Variants in PRAMEF4 observed in about 807,000 individuals in gnomAD.
PRAMEF4 encodes the protein PRAME family member 4.
PRAMEF4 carries 18 observed loss-of-function variants against 34.4 expected under a neutral mutation model. The observed-to-expected ratio is 0.52, with a 90% CI of 0.36 to 0.78. PRAMEF4 has a LOEUF of 0.78. Among genes scored for constraint, PRAMEF4 ranks in the 30% least tolerant of loss-of-function variants. The probability of loss-of-function intolerance (pLI) is 0.00; values close to 1 mark genes in which losing one functional copy is unlikely to be tolerated. For missense variants in PRAMEF4, 482 were observed against 569.1 expected (o/e 0.85, Z 1.56); for synonymous variants, 156 against 219.3 (o/e 0.71, Z 2.55).
intron 1 of PRAMEF4, among the ~76,000 whole-genome samples, chr1:12,885,878 T>G (rs1223464887): frequency 7.6e-6 from 1 of 131,024 alleles, no homozygotes; most frequent in Non-Finnish European, 1.6e-5. Context: ...CCTCCCACTT[T>G]GGCCTCCCGA....
Position 12,883,210 on chromosome 1 carries a change from G to A in PRAMEF4, c.185C>T (p.Pro62Leu). The change falls in exon 2 of 4, where the codon CCC becomes CTC. Residue 62 changes from proline to leucine, a missense_variant. Coordinates refer to ENST00000235349, the MANE Select transcript of PRAMEF4 (RefSeq NM_001009611.4). ...EALKLMVQSW[P>L]FRRLPLRPLI... ...AGGCCTCAGAGGGAGGCGGCGGAAG[G>A]GCCAGGACTGCACCATCAGCTTCAG... 6.3e-7 allele frequency: 1 copy of A among 1,599,180 alleles called. No individual in the cohort carries two copies. The highest frequency in any genetic ancestry group is 8.5e-7 in the Non-Finnish European group (1 of 1,172,916).
chr1:12,881,420 G>C (rs1370981233), intron 3 of PRAMEF4, among the ~76,000 whole-genome samples: 1 of 149,186 alleles, frequency 6.7e-6, no homozygotes, highest in Non-Finnish European at 1.5e-5. Flanking sequence ...ATTTCTGACA[G>C]GGGTCTTGGT....
intron 2 of PRAMEF4, among the ~76,000 whole-genome samples, 160 bp downstream of exon 2, chr1:12,882,942 G>C (rs3928864): frequency 0.12 from 16,615 of 142,864 alleles, 1,741 homozygotes; most frequent in Middle Eastern, 0.21. Flanking sequence ...TGGACCTTGC[G>C]TGGTGAGCAG....
chr1:12,882,798 C>G (rs1319241427), intron 2 of PRAMEF4, among the ~76,000 whole-genome samples: 2 of 147,858 alleles, frequency 1.4e-5, no homozygotes, highest in Non-Finnish European at 3.0e-5. Context: ...CCATGTTGGA[C>G]AGGCTGGCCT....
intron 1 of PRAMEF4, among the ~76,000 whole-genome samples, chr1:12,885,171 C>A (rs1008741339): frequency 4.7e-5 from 7 of 150,530 alleles, no homozygotes; most frequent in Non-Finnish European, 1.0e-4. Context: ...ACTTCGTCGC[C>A]CAGGCTGGAG....
chr1:12,879,823 G>T lies in PRAMEF4; in HGVS notation c.1158C>A (p.Ser386Arg). The change falls in exon 4 of 4, where the codon AGC becomes AGA. Residue 386 changes from serine to arginine, a missense_variant. By Grantham distance (110) the Ser-to-Arg change is moderately radical. Coordinates refer to ENST00000235349, the MANE Select transcript of PRAMEF4 (RefSeq NM_001009611.4). ...LSRCFELNTF[S>R]FCGNPICMAT... ...CCATGCAGATGGGATTTCCACAGAA[G>T]CTGAAGGTGTTGAGCTCAAAGCAGC... 6.3e-7 allele frequency: 1 copy of T among 1,599,922 alleles called. No homozygotes were observed. Among genetic ancestry groups the T allele is most frequent in the Middle Eastern group, 2.2e-4 (1 of 4,556 alleles).
chr1:12,884,780 T>C (rs1308217968), intron 1 of PRAMEF4, among the ~76,000 whole-genome samples: 1 of 149,958 alleles, frequency 6.7e-6, no homozygotes, highest in South Asian at 2.1e-4. Context: ...ATTGGATTTT[T>C]GGCTTTCTTA....
intron 1 of PRAMEF4, 91 bp from the exon 2 acceptor site, chr1:12,883,501 G>A: frequency 2.0e-6 from 3 of 1,527,960 alleles, no homozygotes; most frequent in Non-Finnish European, 2.7e-6. Flanking sequence ...CACTGCTCTG[G>A]CAATGGTGAA....
In PRAMEF4 at chr1:12,879,622, G is replaced by T; in HGVS notation, c.1359C>A (p.Ile453=). 1.3e-6 allele frequency: 2 copies of T among 1,596,744 alleles called. No individual in the cohort carries two copies. The highest frequency in any genetic ancestry group is 2.2e-5 in the South Asian group (2 of 90,176). ...RVRDLRHPKR[I]LFCTDYCPDC... ...CAGGGCAGTAGTCAGTACAGAACAA[G>T]ATCCTCTTGGGGTGCCTTAAGTCCC... Residue 453 remains isoleucine (I), a synonymous_variant, in exon 4 of 4, where the codon ATC becomes ATA. Transcript: ENST00000235349.
intron 3 of PRAMEF4, among the ~76,000 whole-genome samples, chr1:12,881,169 T>C (rs530721459): frequency 1.4e-5 from 2 of 147,958 alleles, no homozygotes; most frequent in East Asian, 3.9e-4. Flanking sequence ...AGTTGGAGAA[T>C]AACCTGGCCA....
At chr1:12,885,158 C>T (rs1469189056) in intron 1 of PRAMEF4, among the ~76,000 whole-genome samples, 3 of 150,616 alleles carry the variant, frequency 2.0e-5, no homozygotes, top group Non-Finnish European at 2.9e-5. Flanking sequence ...GGAGCTGAGT[C>T]TCACTTCGTC....
intron 3 of PRAMEF4, among the ~76,000 whole-genome samples, chr1:12,880,562 A>G (rs557023479): frequency 6.7e-6 from 1 of 149,272 alleles, no homozygotes; most frequent in East Asian, 2.0e-4. Flanking sequence ...GGTGACAGAG[A>G]GAGACTCTGT....
At position 12,882,127 on chromosome 1, in the gene PRAMEF4, A is replaced by C. The variant is rs759131289; in HGVS notation, c.602T>G (p.Leu201Arg). 4.4e-6 allele frequency: 7 copies of C among 1,583,090 alleles called. 1 individual carries two copies. The Admixed American group carries it at 7.0e-5, about 16-fold the overall frequency. The change falls in exon 3 of 4, where the codon CTG (leucine) becomes CGG (arginine). Residue 201 changes from leucine (L) to arginine (R), a missense_variant. Leu to Arg is a moderately radical substitution (Grantham distance 102). Transcript: ENST00000235349. ...GATACAGTCTAGGTTCACCATTTTC[A>C]GGATGCTTCTGATATTGCGGAAGGG... is the stretch of plus-strand genomic sequence containing the variant. ...GMPFRNIRSI[L>R]KMVNLDCIQE... is the part of the protein sequence containing the mutation.
intron 1 of PRAMEF4, 95 bp from the exon 2 acceptor site, chr1:12,883,505 T>G: frequency 6.6e-7 from 1 of 1,504,922 alleles, no homozygotes. Context: ...GCTCTGGCAA[T>G]GGTGAAAGAG....
At chr1:12,884,589 C>T (rs1640959053) in intron 1 of PRAMEF4, among the ~76,000 whole-genome samples, 1 of 147,314 alleles carries the variant, frequency 6.8e-6, no homozygotes, top group South Asian at 2.2e-4. Flanking sequence ...GTGGTCTGCG[C>T]CTGTAGTCCA....
In PRAMEF4 at chr1:12,883,083, C is replaced by G. The variant is rs750089412; in HGVS notation, c.293+19G>C. 1.3e-6 allele frequency: 2 copies of G among 1,599,952 alleles called. No individual in the cohort carries two copies. The highest frequency in any genetic ancestry group is 2.3e-5 in the East Asian group (1 of 44,304). On this transcript the variant is annotated intron_variant, in intron 2 of 3. Coordinates refer to ENST00000235349, the MANE Select transcript of PRAMEF4 (RefSeq NM_001009611.4). ...TGGACACCTGGGCCCTCCCCACCAG[C>G]CCACCTGGGCCACCTCACCTGGGAC... is the stretch of plus-strand genomic sequence containing the variant.
rs1234540390 is a variant in PRAMEF4, at chr1:12,883,238, C to T, written c.157G>A (p.Ala53Thr). The part of the protein sequence containing the change: ...MEAFSRRRCE[A>T]LKLMVQSWPF... Reference sequence around the variant, plus strand: ...CAGGACTGCACCATCAGCTTCAGGGCCTCACAGCGTCTCCTGCTGAAGGCC... The same window carrying T: ...CAGGACTGCACCATCAGCTTCAGGGTCTCACAGCGTCTCCTGCTGAAGGCC... The change falls in exon 2 of 4, where the codon GCC (alanine) becomes ACC (threonine). Residue 53 changes from alanine to threonine, a missense_variant. By Grantham distance (58) the Ala-to-Thr change is moderately conservative (BLOSUM62 0). This residue lies in a region of PRAMEF4 where 172 missense variants were observed against 130.2 expected (regional missense o/e 1.32). Coordinates refer to ENST00000235349, the MANE Select transcript of PRAMEF4 (RefSeq NM_001009611.4). 6.3e-7 allele frequency: 1 copy of T among 1,598,706 alleles called. No homozygotes were observed.
rs1427447659 is a variant in PRAMEF4, at chr1:12,882,288, C to A, written c.441G>T (p.Gln147His). 3 of 1,487,132 alleles carry A rather than the reference C, an allele frequency of 2.0e-6. No homozygotes were observed. In the African/African-American group the frequency reaches 5.0e-5, roughly 25 times the overall value. 92.1% of individuals were successfully genotyped at this position (1,487,132 alleles called of 1,614,324 possible). Reference protein sequence around the residue: ...VEDCPRMKGRQPLTVFVELWL... With the variant: ...VEDCPRMKGRHPLTVFVELWL... Reference sequence around the variant, plus strand: ...AAAGTTCTACGAACACAGTCAAGGGCTGCCGTCCTTTCATCCTTGGACAGT... The same window carrying A: ...AAAGTTCTACGAACACAGTCAAGGGATGCCGTCCTTTCATCCTTGGACAGT... The change falls in exon 3 of 4, where the codon CAG (glutamine) becomes CAT (histidine). Residue 147 changes from glutamine (Q) to histidine (H), a missense_variant. This residue lies in a region of PRAMEF4 where 72 missense variants were observed against 128.9 expected (regional missense o/e 0.56). Transcript: ENST00000235349.
rs750372223 is a variant in PRAMEF4, at chr1:12,882,059, TCAGGATGGG to T, written c.661_669del (p.Pro221_Leu223del). 2.5e-6 allele frequency: 4 copies of T among 1,589,952 alleles called. No homozygotes were observed. Among genetic ancestry groups the T allele is most frequent in the African/African-American group, 2.8e-5 (2 of 71,162 alleles). The stretch of plus-strand genomic sequence containing the variant: ...TGGCCCAGGTATGGGGTAAACTGTG[TCAGGATGGG>T]CAGTACCCACTTGCAATTCACTTCC... On this transcript the variant is annotated inframe_deletion, in exon 3 of 4. Transcript: ENST00000235349.
Sources: allele counts gnomAD v4.1 joint callset (sites outside exome capture counted in the v4.1 genomes callset), GRCh38; gene constraint gnomAD v4.1.1; regional missense constraint gnomAD v4.1.1; transcripts MANE v1.5; gene names NCBI Gene and HGNC (gene_info 2026-07-23, HGNC 2026-07-21).